Variants in SHANK2 observed in about 807,000 individuals in gnomAD.
The protein encoded by SHANK2 is SH3 and multiple ankyrin repeat domains protein 2.
SHANK2 carries 43 observed loss-of-function variants against 133.7 expected under a neutral mutation model. The ratio of observed to expected loss-of-function variants is 0.32; its 90% CI spans 0.25 to 0.41. SHANK2 has a LOEUF of 0.41. SHANK2 is among the 10% of genes least tolerant of loss of function. The pLI, the probability that SHANK2 is intolerant of heterozygous loss-of-function variation, is 1.00. For missense variants in SHANK2, 1,994 were observed against 2,235.8 expected (o/e 0.89, Z 2.18); for synonymous variants, 1,017 against 952.8 (o/e 1.07, Z -1.24).
In SHANK2 at chr11:70,830,693, C is replaced by T. The variant is rs1210266203; in HGVS notation, c.1175-10011G>A. 6.6e-6 allele frequency among the ~76,000 whole-genome samples: 1 copy of T among 152,242 alleles called. No homozygotes were observed. The highest frequency in any genetic ancestry group is 2.4e-5 in the African/African-American group (1 of 41,546). The stretch of plus-strand genomic sequence containing the variant: ...AAAAACCCATTTTCCCTGGAGGCTT[C>T]CAGAGATCTTCTTCTCTGAGAAAAG... On this transcript the variant is annotated intron_variant, in intron 11 of 25. Transcript: ENST00000601538. This position sits in a 1 kb window ranked among gnomAD's most constrained non-coding sequence, Gnocchi z 4.4.
intron 6 of SHANK2, among the ~76,000 whole-genome samples, chr11:71,095,193 C>T (rs1555095113): frequency 6.6e-6 from 1 of 152,264 alleles, no homozygotes. Flanking sequence ...CTGGAGCTCC[C>T]AATCTGGGTA....
chr11:70,702,011 TCAG>T (rs1555023803), intron 14 of SHANK2, among the ~76,000 whole-genome samples: 2 of 149,834 alleles, frequency 1.3e-5, no homozygotes, highest in African/African-American at 2.5e-5. Flanking sequence ...ATCATCATCA[TCAG>T]CATCACCATT....
intron 11 of SHANK2, chr11:70,864,735 A>AC (rs1307730714): frequency 2.0e-5 from 3 of 152,056 alleles, no homozygotes; most frequent in Non-Finnish European, 4.4e-5. Flanking sequence ...TATAAAAGGG[A>AC]CCCCCAGGAC....
chr11:70,598,522 G>A (rs1194616167), intron 17 of SHANK2, among the ~76,000 whole-genome samples: 3 of 152,150 alleles, frequency 2.0e-5, no homozygotes, highest in East Asian at 1.9e-4. Flanking sequence ...ATTCTAACCC[G>A]AACAATGTCT....
intron 25 of SHANK2, among the ~76,000 whole-genome samples, chr11:70,484,994 A>G (rs2058780794): frequency 6.6e-6 from 1 of 152,208 alleles, no homozygotes; most frequent in Non-Finnish European, 1.5e-5. Flanking sequence ...TGGTCCTGGC[A>G]GAGATCTGGA....
chr11:70,553,291 C>T (rs2059792307), intron 17 of SHANK2, among the ~76,000 whole-genome samples: 1 of 152,064 alleles, frequency 6.6e-6, no homozygotes, highest in Non-Finnish European at 1.5e-5. Flanking sequence ...AGGGGTTTCA[C>T]CATGTTGGTC....
At chr11:70,702,329 C>A (rs1194571465) in intron 14 of SHANK2, among the ~76,000 whole-genome samples, 4 of 151,308 alleles carry the variant, frequency 2.6e-5, no homozygotes, top group Non-Finnish European at 4.4e-5. Context: ...TCATCACCAT[C>A]ATCATCACCA....
At chr11:71,230,153 G>A (rs1381067280) in intron 1 of SHANK2, among the ~76,000 whole-genome samples, 4 of 152,138 alleles carry the variant, frequency 2.6e-5, no homozygotes, top group Non-Finnish European at 4.4e-5. Context: ...AGCCAGGTGT[G>A]GTGACGCACA....
intron 17 of SHANK2, among the ~76,000 whole-genome samples, chr11:70,538,577 G>A (rs1332314717): frequency 1.3e-5 from 2 of 152,252 alleles, no homozygotes; most frequent in African/African-American, 4.8e-5. Flanking sequence ...CTCTGGTCAG[G>A]AGGAAGGAGC....
In SHANK2 at chr11:70,927,481, T is replaced by C. The variant is rs564008365; in HGVS notation, c.1108-30914A>G. ...AGGTTGGGACTGATGGGGCCCGACATGGGGAGAGGGCAGGCGAGTCAACAC... is the reference window on the plus strand; with the variant it reads ...AGGTTGGGACTGATGGGGCCCGACACGGGGAGAGGGCAGGCGAGTCAACAC... On this transcript the variant is annotated intron_variant, in intron 10 of 25. Transcript: ENST00000601538. 3.5e-4 allele frequency among the ~76,000 whole-genome samples: 53 copies of C among 151,930 alleles called. No homozygotes were observed. The South Asian group carries it at 0.011, about 31-fold the overall frequency.
At chr11:70,632,157 T>C (rs1482584499) in intron 17 of SHANK2, among the ~76,000 whole-genome samples, 3 of 152,194 alleles carry the variant, frequency 2.0e-5, no homozygotes, top group African/African-American at 7.2e-5. Context: ...AGTCTCGCTC[T>C]GTCACCCAGG....
At chr11:71,079,180 T>C (rs1951258977) in intron 8 of SHANK2, among the ~76,000 whole-genome samples, 1 of 152,224 alleles carries the variant, frequency 6.6e-6, no homozygotes, top group Non-Finnish European at 1.5e-5. Flanking sequence ...CAAATGCATA[T>C]GCTGGATCCC....
chr11:70,896,614 T>C (rs1555075754), intron 10 of SHANK2, 47 bp from the exon 11 acceptor site: 2 of 716,750 alleles, frequency 2.8e-6, no homozygotes, highest in South Asian at 1.5e-5. Flanking sequence ...TGCAGAACAA[T>C]GATTTCTGCA....
intron 10 of SHANK2, chr11:70,911,058 G>A (rs781974023): frequency 3.9e-5 from 18 of 456,880 alleles, no homozygotes; most frequent in African/African-American, 2.0e-4. Flanking sequence ...TCAGAAGATC[G>A]GCATTCACCC....
intron 17 of SHANK2, among the ~76,000 whole-genome samples, chr11:70,505,030 C>T (rs575701865): frequency 6.8e-4 from 104 of 152,260 alleles, no homozygotes; most frequent in African/African-American, 2.3e-3. Flanking sequence ...GGGAAGTTTG[C>T]GTCCTCATCA....
chr11:71,199,011 G>A (rs556931796), intron 2 of SHANK2, among the ~76,000 whole-genome samples: 1 of 152,306 alleles, frequency 6.6e-6, no homozygotes, highest in South Asian at 2.1e-4. Context: ...CAATGGACAC[G>A]GGGCGGAGGC....
At chr11:70,910,418 C>T (rs1356086188) in intron 10 of SHANK2, among the ~76,000 whole-genome samples, 3 of 152,202 alleles carry the variant, frequency 2.0e-5, no homozygotes, top group Non-Finnish European at 4.4e-5. Context: ...CTACCGCACA[C>T]TCGATTGTCA....
intron 8 of SHANK2, among the ~76,000 whole-genome samples, chr11:71,084,103 G>A (rs1162952855): frequency 6.6e-6 from 1 of 151,822 alleles, no homozygotes; most frequent in Non-Finnish European, 1.5e-5. Flanking sequence ...CCGAGTAGCT[G>A]GGTCTACAGG....
chr11:70,802,463 A>T (rs1208655537), intron 13 of SHANK2, among the ~76,000 whole-genome samples: 1 of 152,218 alleles, frequency 6.6e-6, no homozygotes, highest in South Asian at 2.1e-4. Flanking sequence ...GCCTGGGTAC[A>T]GAAACCTGCC....
Sources: allele counts gnomAD v4.1 joint callset (sites outside exome capture counted in the v4.1 genomes callset), GRCh38; gene constraint gnomAD v4.1.1; non-coding constraint Gnocchi (gnomAD v3.1); transcripts MANE v1.5; gene names NCBI Gene and HGNC (gene_info 2026-07-23, HGNC 2026-07-21).